The following FAM210A variants were observed in gnomAD, a reference collection of about 807,000 sequenced individuals.
FAM210A encodes the protein mitochondrial inner membrane scaffold 1, also known as family with sequence similarity 210 member A.
Under a neutral mutation model 25.3 loss-of-function variants are expected in FAM210A, and 13 were observed. The observed-to-expected ratio is 0.51, with a 90% CI of 0.33 to 0.82. The LOEUF (loss-of-function observed/expected upper bound fraction) is 0.82, where lower values mean the gene tolerates loss of function less well. Among genes scored for constraint, FAM210A ranks in the 40% least tolerant of loss-of-function variants. FAM210A has a pLI of 0.02. For synonymous variants in FAM210A, 125 were observed against 118.7 expected (o/e 1.05, Z -0.35); for missense variants, 319 against 323.2 (o/e 0.99, Z 0.10).
chr18:13,715,198 T>C (rs1319593354), intron 1 of FAM210A: 1 of 152,172 alleles, frequency 6.6e-6, no homozygotes, highest in Non-Finnish European at 1.5e-5. Context: ...GCTCAGTTTC[T>C]AGACTGGGCT....
chr18:13,682,117 A>G lies in FAM210A; in HGVS notation c.-28-12T>C. 6.6e-7 allele frequency: 1 copy of G among 1,507,290 alleles called. No homozygotes were observed. The highest frequency in any genetic ancestry group is 8.9e-7 in the Non-Finnish European group (1 of 1,125,396). The allele number at this position is 1,507,290 out of a possible 1,614,324, so 93.4% of individuals were successfully genotyped here. A position where few individuals can be genotyped will look rare whatever the true frequency, so the allele number is the denominator to read the frequency against. On this transcript the variant is annotated splice_polypyrimidine_tract_variant and intron_variant, in intron 1 of 3. Coordinates refer to ENST00000651643, the MANE Select transcript of FAM210A (RefSeq NM_152352.4). ...ATAGGTTTCAGCTTCTACAAAGACA[A>G]TTTTTCAAAAAAATTAGGTAATACT...
At chr18:13,689,588 G>T (rs2043625420) in intron 1 of FAM210A, among the ~76,000 whole-genome samples, 2 of 152,096 alleles carry the variant, frequency 1.3e-5, no homozygotes, top group Admixed American at 6.5e-5. Context: ...CCGTGGCTGG[G>T]AACAAGGCAA....
At chr18:13,706,950 G>A (rs569846444) in intron 1 of FAM210A, among the ~76,000 whole-genome samples, 1 of 152,292 alleles carries the variant, frequency 6.6e-6, no homozygotes, top group African/African-American at 2.4e-5. Context: ...CTGGGACCCT[G>A]GGTAAGAAGC....
At chr18:13,718,477 A>C (rs2043876990) in intron 1 of FAM210A, among the ~76,000 whole-genome samples, 2 of 152,248 alleles carry the variant, frequency 1.3e-5, no homozygotes, top group African/African-American at 4.8e-5. Flanking sequence ...GAATGCAAGG[A>C]CATGTAATAG....
chr18:13,694,833 A>G (rs1408805072), intron 1 of FAM210A, among the ~76,000 whole-genome samples: 5 of 152,228 alleles, frequency 3.3e-5, no homozygotes, highest in African/African-American at 1.2e-4. Flanking sequence ...TAAAACACCA[A>G]AAGCAATGGC....
In FAM210A at chr18:13,666,323, G is replaced by T; in HGVS notation, c.*157C>A. ...TTGTAATAACACTGATTTTTCTAGTGATATTTAACTTTAAAAAGGTATTTT... is the reference window on the plus strand; with the variant it reads ...TTGTAATAACACTGATTTTTCTAGTTATATTTAACTTTAAAAAGGTATTTT... On this transcript the variant is annotated 3_prime_UTR_variant, in exon 4 of 4. Coordinates refer to ENST00000651643, the MANE Select transcript of FAM210A (RefSeq NM_152352.4). 1.6e-6 allele frequency: 1 copy of T among 623,730 alleles called. No homozygotes were observed. The highest frequency in any genetic ancestry group is 2.8e-6 in the Non-Finnish European group (1 of 358,196). 38.6% of individuals were successfully genotyped at this position (623,730 alleles called of 1,614,324 possible). A position where few individuals can be genotyped will look rare whatever the true frequency, so the allele number is the denominator to read the frequency against.
intron 1 of FAM210A, among the ~76,000 whole-genome samples, chr18:13,723,002 T>A (rs1227368520): frequency 6.6e-6 from 1 of 152,094 alleles, no homozygotes; most frequent in Non-Finnish European, 1.5e-5. Context: ...TTTTCTCACT[T>A]TACCCAGTAC....
At chr18:13,702,069 G>A (rs1186536841) in intron 1 of FAM210A, among the ~76,000 whole-genome samples, 1 of 152,194 alleles carries the variant, frequency 6.6e-6, no homozygotes, top group African/African-American at 2.4e-5. Context: ...AGAAAAAGAT[G>A]ATTTTGCTTT....
At chr18:13,684,256 G>A (rs527281747) in intron 1 of FAM210A, among the ~76,000 whole-genome samples, 201 of 152,136 alleles carry the variant, frequency 1.3e-3, no homozygotes, top group South Asian at 4.6e-3. Context: ...AAAATTAGCC[G>A]GGCATGGTGG....
intron 2 of FAM210A, among the ~76,000 whole-genome samples, chr18:13,677,138 A>G (rs2043511346): frequency 6.6e-6 from 1 of 150,496 alleles, no homozygotes; most frequent in African/African-American, 2.4e-5. Flanking sequence ...GCAGTGGCGC[A>G]ATCTCGGCTT....
chr18:13,672,753 G>A (rs1165916856), intron 2 of FAM210A, among the ~76,000 whole-genome samples: 1 of 150,226 alleles, frequency 6.7e-6, no homozygotes, highest in Non-Finnish European at 1.5e-5. Context: ...AAAAGCAAGA[G>A]ATATTTTAAC....
intron 1 of FAM210A, among the ~76,000 whole-genome samples, chr18:13,694,163 T>C (rs981297971): frequency 5.9e-5 from 9 of 152,166 alleles, no homozygotes; most frequent in Admixed American, 1.3e-4. Context: ...GAATCCAACT[T>C]ACAAGGGATG....
intron 1 of FAM210A, among the ~76,000 whole-genome samples, chr18:13,711,442 C>G (rs2043820631): frequency 6.6e-6 from 1 of 152,096 alleles, no homozygotes; most frequent in Non-Finnish European, 1.5e-5. Flanking sequence ...AAAAAACCAG[C>G]CTTCTCTTTT....
chr18:13,680,778 A>G (rs2149056347), intron 2 of FAM210A, among the ~76,000 whole-genome samples: 1 of 152,358 alleles, frequency 6.6e-6, no homozygotes, highest in African/African-American at 2.4e-5. Flanking sequence ...AGGCCCGGAC[A>G]CTGAGGAATG....
intron 3 of FAM210A, among the ~76,000 whole-genome samples, chr18:13,669,354 G>T (rs1266288537): frequency 6.6e-6 from 1 of 152,066 alleles, no homozygotes. Context: ...TCCTTTTAAG[G>T]GCCAACAAGG....
rs74505609 is a variant in FAM210A at position 13,673,676 on chromosome 18, C to T, written c.474-1703G>A. ...TTATTTCCAGTTTCCTGATTATTAA[C>T]ATTCCTGAGCCGTGACTTATTTCCA... is the stretch of plus-strand genomic sequence containing the variant. On this transcript the variant is annotated intron_variant, in intron 2 of 3. Transcript: ENST00000651643. Among the ~76,000 whole-genome samples, 171 of 146,978 alleles carry T rather than the reference C, an allele frequency of 1.2e-3. 4 individuals are homozygous for T. The South Asian group carries it at 0.037, about 32-fold the overall frequency.
At chr18:13,709,283 C>A (rs1029260413) in intron 1 of FAM210A, among the ~76,000 whole-genome samples, 2 of 152,142 alleles carry the variant, frequency 1.3e-5, no homozygotes, top group Non-Finnish European at 2.9e-5. Context: ...GTAATCTGTA[C>A]CCCCTCCACA....
At chr18:13,706,590 T>C (rs1437016210) in intron 1 of FAM210A, among the ~76,000 whole-genome samples, 1 of 152,222 alleles carries the variant, frequency 6.6e-6, no homozygotes, top group African/African-American at 2.4e-5. Flanking sequence ...GCCTTCACTC[T>C]TCTAGAAGGG....
rs1005101494 is a variant in FAM210A at position 13,664,066 on chromosome 18, C to T, written c.*2414G>A. On this transcript the variant is annotated 3_prime_UTR_variant, in exon 4 of 4. Coordinates refer to ENST00000651643, the MANE Select transcript of FAM210A (RefSeq NM_152352.4). ...CAAACTCAACATATTACAGGAATCC[C>T]TGAAACTTAAGGACTAGGTTAGCAA... The T allele has an allele frequency of 1.6e-4, 25 of 152,284 alleles. No homozygotes were observed. Among genetic ancestry groups the T allele is most frequent in the African/African-American group, 6.0e-4 (25 of 41,576 alleles). 9.4% of individuals were successfully genotyped at this position (152,284 alleles called of 1,614,324 possible). A position where few individuals can be genotyped will look rare whatever the true frequency, so the allele number is the denominator to read the frequency against.
Sources: gnomAD v4.1 joint callset for allele counts (sites outside exome capture counted in the v4.1 genomes callset) on GRCh38, gnomAD v4.1.1 for gene constraint, MANE v1.5 for transcripts, NCBI Gene and HGNC (gene_info 2026-07-23, HGNC 2026-07-21) for gene names.